MPDZ: variants seen among roughly 807,000 people sequenced by gnomAD.
MPDZ encodes multiple PDZ domain crumbs cell polarity complex component.
In MPDZ, 234 loss-of-function variants were observed where a neutral mutation model predicts 239.1. The observed-to-expected ratio is 0.98, with a 90% CI of 0.88 to 1.09. MPDZ has a LOEUF of 1.09. Ranked by LOEUF, MPDZ falls within the 50% of genes least tolerant of loss-of-function variation. The probability of loss-of-function intolerance (pLI) is 0.00; values close to 1 mark genes in which losing one functional copy is unlikely to be tolerated. For missense variants in MPDZ, 3,175 were observed against 2,510.0 expected (o/e 1.26, Z -5.66); for synonymous variants, 1,048 against 881.3 (o/e 1.19, Z -3.35).
In MPDZ at chr9:13,175,733, A is replaced by G; in HGVS notation, c.3055+19T>C. ...AAGGGGGTTGAGGAGTAGGTATATG[A>G]GGAAAATGAGAAACTTACCTAGGCT... On this transcript the variant is annotated intron_variant, in intron 21 of 46. Transcript: ENST00000319217. 1 of 1,563,242 alleles carries G rather than the reference A, an allele frequency of 6.4e-7. No individual in the cohort carries two copies. The highest frequency in any genetic ancestry group is 8.7e-7 in the Non-Finnish European group (1 of 1,151,296).
intron 1 of MPDZ, among the ~76,000 whole-genome samples, chr9:13,268,448 G>A (rs1054533601): frequency 7.9e-5 from 12 of 151,918 alleles, no homozygotes; most frequent in African/African-American, 2.9e-4. Context: ...AGGCCCCCAA[G>A]TCTTTATCCA....
chr9:13,223,541 AAAAC>A (rs749621582), intron 5 of MPDZ, 26 bp downstream of exon 5: 6 of 1,572,170 alleles, frequency 3.8e-6, no homozygotes, highest in Admixed American at 3.9e-5. Flanking sequence ...TGTGGGATCA[AAAAC>A]AAAGAAGACG....
At chr9:13,238,247 ATCT>A (rs1031073762) in intron 3 of MPDZ, among the ~76,000 whole-genome samples, 30 of 152,290 alleles carry the variant, frequency 2.0e-4, no homozygotes, top group African/African-American at 7.0e-4. Context: ...TGGTGGCTAC[ATCT>A]TCTCTTTTTG....
chr9:13,217,584 T>A (rs145230431), intron 8 of MPDZ, among the ~76,000 whole-genome samples: 113 of 152,018 alleles, frequency 7.4e-4, no homozygotes, highest in African/African-American at 2.6e-3. Context: ...AGGTTTTTTT[T>A]AGCAAATTCT....
intron 21 of MPDZ, among the ~76,000 whole-genome samples, chr9:13,169,682 C>G (rs754589707): frequency 9.9e-5 from 15 of 152,266 alleles, no homozygotes; most frequent in South Asian, 2.1e-4. Context: ...AATATCCTAT[C>G]AGTCCCTTGG....
At chr9:13,199,300 C>A (rs963529868) in intron 12 of MPDZ, among the ~76,000 whole-genome samples, 5 of 151,840 alleles carry the variant, frequency 3.3e-5, no homozygotes, top group Admixed American at 3.3e-4. Context: ...TTCTTGATTT[C>A]TTTTTTGGAT....
chr9:13,194,413 A>C (rs1955367963), intron 13 of MPDZ, among the ~76,000 whole-genome samples: 1 of 152,104 alleles, frequency 6.6e-6, no homozygotes, highest in Admixed American at 6.6e-5. Flanking sequence ...GGATGAAGCT[A>C]GAAGCCATCA....
At position 13,106,950 on chromosome 9, in the gene MPDZ, A is replaced by G; in HGVS notation, c.*15T>C. 1.9e-6 allele frequency: 3 copies of G among 1,613,084 alleles called. No homozygotes were observed. The highest frequency in any genetic ancestry group is 1.7e-4 in the Middle Eastern group (1 of 6,052). ...GTGAGCTAGGGGTTGGGTTGGTTCA[A>G]TTCTGGCAGCCAATTCAAGAGAGAA... On this transcript the variant is annotated 3_prime_UTR_variant, in exon 47 of 47. Coordinates refer to ENST00000319217, the MANE Select transcript of MPDZ (RefSeq NM_001378778.1).
chr9:13,236,261 ATATATATTTTTTTT>A (rs1226685214), intron 3 of MPDZ, among the ~76,000 whole-genome samples: 5 of 21,638 alleles, frequency 2.3e-4, no homozygotes, highest in Non-Finnish European at 3.8e-4. Flanking sequence ...ATATATATAT[ATATATATTTTTTTT>A]TTTTTTTTTT....
intron 22 of MPDZ, chr9:13,165,250 T>G: frequency 2.0e-6 from 2 of 1,001,430 alleles, no homozygotes. Flanking sequence ...AAAATGTATA[T>G]ACAAAATCTA....
chr9:13,253,283 T>C (rs1480306459), intron 1 of MPDZ, among the ~76,000 whole-genome samples: 1 of 151,940 alleles, frequency 6.6e-6, no homozygotes, highest in African/African-American at 2.4e-5. Context: ...TCAATGACTT[T>C]AAAATTACAG....
At chr9:13,217,043 A>C in intron 9 of MPDZ, 137 bp downstream of exon 9, 1 of 786,332 alleles carries the variant, frequency 1.3e-6, no homozygotes, top group Non-Finnish European at 2.0e-6. Context: ...AGTCACCTAC[A>C]CTAAATTATT....
chr9:13,206,219 C>T, intron 10 of MPDZ, 120 bp from the exon 11 acceptor site: 1 of 931,328 alleles, frequency 1.1e-6, no homozygotes, highest in Non-Finnish European at 1.5e-6. Context: ...TAAGTATTCA[C>T]CTTATCAGGG....
chr9:13,176,087 C>G (rs1394388505), intron 20 of MPDZ, 49 bp downstream of exon 20: 20 of 1,496,464 alleles, frequency 1.3e-5, no homozygotes, highest in Non-Finnish European at 1.8e-5. Flanking sequence ...CCTTACTTCA[C>G]TATTCCCTAT....
At chr9:13,259,679 A>G (rs1287854935) in intron 1 of MPDZ, among the ~76,000 whole-genome samples, 1 of 152,176 alleles carries the variant, frequency 6.6e-6, no homozygotes, top group Non-Finnish European at 1.5e-5. Context: ...TAAATGCAAG[A>G]GTGCATGGTA....
intron 3 of MPDZ, among the ~76,000 whole-genome samples, chr9:13,242,505 A>C (rs2137428107): frequency 6.6e-6 from 1 of 151,988 alleles, no homozygotes; most frequent in Admixed American, 6.6e-5. Context: ...GCCTGTTAGG[A>C]TGATTTTATC....
At chr9:13,220,156 G>A (rs1258230256) in intron 7 of MPDZ, among the ~76,000 whole-genome samples, 1 of 151,944 alleles carries the variant, frequency 6.6e-6, no homozygotes, top group Non-Finnish European at 1.5e-5. Flanking sequence ...TACCTAAAAT[G>A]TGGTATAAAC....
chr9:13,168,863 G>A (rs1391952827), intron 21 of MPDZ, among the ~76,000 whole-genome samples: 1 of 152,026 alleles, frequency 6.6e-6, no homozygotes, highest in Non-Finnish European at 1.5e-5. Flanking sequence ...GGTCTCTCAG[G>A]GAGAGTACTA....
At chr9:13,244,388 A>G (rs1048834773) in intron 3 of MPDZ, among the ~76,000 whole-genome samples, 1 of 152,174 alleles carries the variant, frequency 6.6e-6, no homozygotes, top group Non-Finnish European at 1.5e-5. Flanking sequence ...ACACTACTTG[A>G]GAATTTGCAT....
Sources: gnomAD v4.1 joint callset for allele counts (sites outside exome capture counted in the v4.1 genomes callset) on GRCh38, gnomAD v4.1.1 for gene constraint, MANE v1.5 for transcripts, NCBI Gene and HGNC (gene_info 2026-07-23, HGNC 2026-07-21) for gene names.